Variants in FABP5 observed in about 807,000 individuals in gnomAD.
The protein encoded by FABP5 is fatty acid binding protein 5.
In FABP5, 7 loss-of-function variants were observed where a neutral mutation model predicts 16.9. That is an observed-to-expected ratio of 0.41 (90% confidence interval 0.24 to 0.78). FABP5 has a LOEUF of 0.78. FABP5 is among the 30% of genes least tolerant of loss of function. The pLI is 0.30. For missense variants in FABP5, 119 were observed against 159.5 expected (o/e 0.75, Z 1.37); for synonymous variants, 37 against 52.8 (o/e 0.70, Z 1.30).
At chr8:81,283,825 C>G (rs1004928546) in intron 2 of FABP5, 48 bp from the exon 3 acceptor site, 1 of 1,481,810 alleles carries the variant, frequency 6.7e-7, no homozygotes, top group African/African-American at 1.4e-5. Context: ...GTCATGGAAA[C>G]TCTTGTAATG....
At chr8:81,284,066 A>C in intron 3 of FABP5, 92 bp downstream of exon 3, 2 of 981,668 alleles carry the variant, frequency 2.0e-6, no homozygotes, top group Middle Eastern at 2.1e-4. Context: ...AACAGAACTC[A>C]GTTTGGAAGA....
intron 3 of FABP5, 28 bp downstream of exon 3, chr8:81,284,002 C>A: frequency 6.6e-7 from 1 of 1,509,090 alleles, no homozygotes. Flanking sequence ...GTGTCTCAGT[C>A]AGCTTCTTGT....
At position 81,283,371 on chromosome 8, in the gene FABP5, G is replaced by A. The variant is rs760972728; in HGVS notation, c.85G>A (p.Gly29Arg). Residue 29 changes from glycine to arginine, a missense_variant, in exon 2 of 4, where the codon GGA becomes AGA. Transcript: ENST00000297258. ...FDEYMKELGV[G>R]IALRKMGAMA... ...CATGACTTAACATTCTACAGGAGTG[G>A]GAATAGCTTTGCGAAAAATGGGCGC... 1.3e-6 allele frequency: 2 copies of A among 1,594,970 alleles called. No individual in the cohort carries two copies. The highest frequency in any genetic ancestry group is 3.6e-5 in the Admixed American group (2 of 55,988).
chr8:81,281,555 G>T lies in FABP5; in HGVS notation c.79+881G>T. 2.0e-6 allele frequency: 2 copies of T among 985,764 alleles called. No individual in the cohort carries two copies. The highest frequency in any genetic ancestry group is 2.4e-6 in the Non-Finnish European group (2 of 830,198). 61.1% of individuals were successfully genotyped at this position (985,764 alleles called of 1,614,324 possible). On this transcript the variant is annotated intron_variant, in intron 1 of 3. Transcript: ENST00000297258. This position sits in a 1 kb window ranked among gnomAD's most constrained non-coding sequence, Gnocchi z 4.5. ...GAGGAAGGAGGCAGTGGGCTTTGCT[G>T]GAAAACCGTAACAGAAACTGCCTGG...
Position 81,281,068 on chromosome 8 carries a change from T to C in FABP5, c.79+394T>C, listed in dbSNP as rs557185762. ...CAGGCGACCCTGTATTTCCCTTTTTTCCCCCTTTACTCATCCTTCCCCTTC... is the reference window on the plus strand; with the variant it reads ...CAGGCGACCCTGTATTTCCCTTTTTCCCCCCTTTACTCATCCTTCCCCTTC... On this transcript the variant is annotated intron_variant, in intron 1 of 3. Coordinates refer to ENST00000297258, the MANE Select transcript of FABP5 (RefSeq NM_001444.3). The surrounding 1 kb of genome is among the most constrained non-coding windows in gnomAD (Gnocchi z 4.5). 88 of 180,016 alleles carry C rather than the reference T, an allele frequency of 4.9e-4. No individual in the cohort carries two copies. Among genetic ancestry groups the C allele is most frequent in the African/African-American group, 1.9e-3 (78 of 42,048 alleles). 11.2% of individuals were successfully genotyped at this position (180,016 alleles called of 1,614,324 possible). A position where few individuals can be genotyped will look rare whatever the true frequency, so the allele number is the denominator to read the frequency against.
At position 81,280,588 on chromosome 8, in the gene FABP5, C is replaced by T. The variant is rs569420230; in HGVS notation, c.-8C>T. 2 of 1,553,120 alleles carry T rather than the reference C, an allele frequency of 1.3e-6. No homozygotes were observed. Among genetic ancestry groups the T allele is most frequent in the South Asian group, 1.2e-5 (1 of 84,142 alleles). On this transcript the variant is annotated 5_prime_UTR_variant, in exon 1 of 4. Transcript: ENST00000297258. ...CCCTCTCTGCACGCCAGCCCGCCCG[C>T]ACCCACCATGGCCACAGTTCAGCAG...
chr8:81,282,301 T>C (rs1807844190), intron 1 of FABP5, among the ~76,000 whole-genome samples: 2 of 152,116 alleles, frequency 1.3e-5, no homozygotes, highest in Admixed American at 1.3e-4. Flanking sequence ...TTGAAGGTTG[T>C]CAAGACTCAG....
At chr8:81,282,477 C>T (rs921257079) in intron 1 of FABP5, among the ~76,000 whole-genome samples, 6 of 152,142 alleles carry the variant, frequency 3.9e-5, no homozygotes, top group Non-Finnish European at 5.9e-5. Context: ...TTCATCAAGA[C>T]AATCATGCTG....
At chr8:81,280,724 G>T (rs1333426233) in intron 1 of FABP5, 50 bp downstream of exon 1, 1 of 1,510,086 alleles carries the variant, frequency 6.6e-7, no homozygotes. Context: ...TTGTGCGGTC[G>T]TCTGTCCCTA....
chr8:81,283,325 T>G, intron 1 of FABP5, 41 bp from the exon 2 acceptor site: 1 of 1,493,836 alleles, frequency 6.7e-7, no homozygotes, highest in Non-Finnish European at 9.0e-7. Context: ...AAATGATAAC[T>G]TTGGTCTTCC....
At position 81,281,936 on chromosome 8, in the gene FABP5, G is replaced by A. The variant is rs932558173; in HGVS notation, c.79+1262G>A. The stretch of plus-strand genomic sequence containing the variant: ...CAAATGTTAACCCGGTTGCTCGCTG[G>A]TGAAATAACTACCGTGACCCTCTAT... On this transcript the variant is annotated intron_variant, in intron 1 of 3. Coordinates refer to ENST00000297258, the MANE Select transcript of FABP5 (RefSeq NM_001444.3). This position sits in a 1 kb window ranked among gnomAD's most constrained non-coding sequence, Gnocchi z 4.5. 2.6e-5 allele frequency among the ~76,000 whole-genome samples: 4 copies of A among 152,098 alleles called. No homozygotes were observed. Among genetic ancestry groups the A allele is most frequent in the Non-Finnish European group, 5.9e-5 (4 of 68,024 alleles).
chr8:81,281,678 A>G lies in FABP5; in HGVS notation c.79+1004A>G. The G allele has an allele frequency of 2.0e-6, 2 of 985,112 alleles. No individual in the cohort carries two copies. Among genetic ancestry groups the G allele is most frequent in the South Asian group, 4.7e-5 (1 of 21,282 alleles). The allele number at this position is 985,112 out of a possible 1,614,324, so 61.0% of individuals were successfully genotyped here. A position where few individuals can be genotyped will look rare whatever the true frequency, so the allele number is the denominator to read the frequency against. ...AGGGAGAATGAATCTCAGTAGTAAG[A>G]TTCATTTCTCACTCAAAACAGTGCT... On this transcript the variant is annotated intron_variant, in intron 1 of 3. Transcript: ENST00000297258. The surrounding 1 kb of genome is among the most constrained non-coding windows in gnomAD (Gnocchi z 4.5).
In FABP5 at chr8:81,280,644, A is replaced by G; in HGVS notation, c.49A>G (p.Lys17Glu). 6.4e-7 allele frequency: 1 copy of G among 1,560,192 alleles called. No individual in the cohort carries two copies. Among genetic ancestry groups the G allele is most frequent in the Non-Finnish European group, 8.7e-7 (1 of 1,151,232 alleles). Residue 17 changes from lysine (K) to glutamate (E), a missense_variant, in exon 1 of 4, where the codon AAA (lysine) becomes GAA (glutamate). Lys to Glu is a moderately conservative substitution (Grantham distance 56, BLOSUM62 1). Coordinates refer to ENST00000297258, the MANE Select transcript of FABP5 (RefSeq NM_001444.3). ...AGGAAGATGGCGCCTGGTGGACAGC[A>G]AAGGCTTTGATGAATACATGAAGGA... ...LEGRWRLVDS[K>E]GFDEYMKELG...
chr8:81,282,670 T>G (rs1347898581), intron 1 of FABP5, among the ~76,000 whole-genome samples: 1 of 152,214 alleles, frequency 6.6e-6, no homozygotes, highest in Non-Finnish European at 1.5e-5. Context: ...TATTGATTTA[T>G]ATACCTATGA....
In FABP5 at chr8:81,283,513, C is replaced by T. The variant is rs762148642; in HGVS notation, c.227C>T (p.Thr76Ile). ...ACCCTGGGAGAGAAGTTTGAAGAAA[C>T]CACAGCTGATGGCAGAAAAACTCAG... ...SCTLGEKFEE[T>I]TADGRKTQTV... Residue 76 changes from threonine to isoleucine, a missense_variant, in exon 2 of 4, where the codon ACC becomes ATC. Thr to Ile is a moderately conservative substitution (Grantham distance 89). Coordinates refer to ENST00000297258, the MANE Select transcript of FABP5 (RefSeq NM_001444.3). 1 of 1,611,098 alleles carries T rather than the reference C, an allele frequency of 6.2e-7. No individual in the cohort carries two copies. Among genetic ancestry groups the T allele is most frequent in the Non-Finnish European group, 8.5e-7 (1 of 1,179,248 alleles).
intron 3 of FABP5, 174 bp downstream of exon 3, chr8:81,284,148 T>A (rs1035014933): frequency 1.7e-5 from 10 of 587,048 alleles, no homozygotes; most frequent in Non-Finnish European, 2.7e-5. Context: ...GATAGAGAAG[T>A]GACATGACAT....
chr8:81,280,723 C>A lies in FABP5; in HGVS notation c.79+49C>A. ...CCTGCAACGTGGCGTGTTGTGCGGT[C>A]GTCTGTCCCTAGGTCCCCGTCAGCG... On this transcript the variant is annotated intron_variant, in intron 1 of 3. Transcript: ENST00000297258. The A allele has an allele frequency of 2.0e-6, 3 of 1,508,824 alleles. No homozygotes were observed. In the South Asian group the frequency reaches 3.6e-5, roughly 18 times the overall value. 93.5% of individuals were successfully genotyped at this position (1,508,824 alleles called of 1,614,324 possible). A position where few individuals can be genotyped will look rare whatever the true frequency, so the allele number is the denominator to read the frequency against.
intron 3 of FABP5, 55 bp downstream of exon 3, chr8:81,284,029 C>T (rs1465495980): frequency 3.6e-5 from 46 of 1,285,260 alleles, no homozygotes; most frequent in Non-Finnish European, 4.9e-5. Flanking sequence ...TCATAGTTCA[C>T]ATAACTGTTC....
In FABP5 at chr8:81,283,934, G is replaced by A; in HGVS notation, c.314G>A (p.Ser105Asn). 9.9e-6 allele frequency: 16 copies of A among 1,612,216 alleles called. No individual in the cohort carries two copies. Among genetic ancestry groups the A allele is most frequent in the Non-Finnish European group, 1.4e-5 (16 of 1,179,170 alleles). Reference protein sequence around the residue: ...VQHQEWDGKESTITRKLKDGK... With the variant: ...VQHQEWDGKENTITRKLKDGK... ...CATCAGGAGTGGGATGGGAAGGAAA[G>A]CACAATAACAAGAAAATTGAAAGAT... is the stretch of plus-strand genomic sequence containing the variant. The change falls in exon 3 of 4, where the codon AGC becomes AAC. Residue 105 changes from serine to asparagine, a missense_variant. Ser to Asn is a conservative substitution (Grantham distance 46, BLOSUM62 1). Transcript: ENST00000297258.
Sources: gnomAD v4.1 joint callset for allele counts (sites outside exome capture counted in the v4.1 genomes callset) on GRCh38, gnomAD v4.1.1 for gene constraint, Gnocchi (gnomAD v3.1) non-coding constraint, MANE v1.5 for transcripts, NCBI Gene and HGNC (gene_info 2026-07-23, HGNC 2026-07-21) for gene names.